MIPOL1: variants seen among roughly 807,000 people sequenced by gnomAD.
MIPOL1 encodes mirror-image polydactyly 1.
Under a neutral mutation model 60.9 loss-of-function variants are expected in MIPOL1, and 57 were observed. The ratio of observed to expected loss-of-function variants is 0.94; its 90% CI spans 0.76 to 1.17. The LOEUF is 1.17. MIPOL1 is among the 50% of genes most tolerant of loss of function. MIPOL1 has a pLI of 0.00. For synonymous variants in MIPOL1, 179 were observed against 168.8 expected (o/e 1.06, Z -0.47); for missense variants, 551 against 511.6 (o/e 1.08, Z -0.74).
chr14:37,321,282 ATG>A (rs1392327582), intron 9 of MIPOL1, among the ~76,000 whole-genome samples: 2 of 151,900 alleles, frequency 1.3e-5, no homozygotes, highest in Non-Finnish European at 2.9e-5. Flanking sequence ...ATTATTATAT[ATG>A]TGTCTCATTA....
chr14:37,545,867 G>T, intron 12 of MIPOL1: 1 of 383,346 alleles, frequency 2.6e-6, no homozygotes, highest in Non-Finnish European at 4.7e-6. Context: ...CCATATAAAT[G>T]AGGCAAACTG....
At chr14:37,424,138 G>GAGC (rs773142683) in intron 11 of MIPOL1, among the ~76,000 whole-genome samples, 5 of 152,122 alleles carry the variant, frequency 3.3e-5, no homozygotes, top group Non-Finnish European at 7.4e-5. Flanking sequence ...TCCTGCTTTG[G>GAGC]AGCAATATTA....
chr14:37,206,307 G>A (rs1026987203), intron 1 of MIPOL1, among the ~76,000 whole-genome samples: 1 of 152,198 alleles, frequency 6.6e-6, no homozygotes, highest in South Asian at 2.1e-4. Flanking sequence ...TTCAGAGTGC[G>A]CAGGCCCGAA....
chr14:37,216,170 A>C (rs1221923400), intron 1 of MIPOL1, among the ~76,000 whole-genome samples: 1 of 152,210 alleles, frequency 6.6e-6, no homozygotes, highest in Non-Finnish European at 1.5e-5. Context: ...TTTCAAGACA[A>C]AAACTATGAA....
chr14:37,545,364 A>G (rs796614453), intron 12 of MIPOL1, among the ~76,000 whole-genome samples: 12 of 152,312 alleles, frequency 7.9e-5, no homozygotes, highest in African/African-American at 2.9e-4. Flanking sequence ...GCTATGAGTC[A>G]TAATATTCAG....
chr14:37,260,452 A>G (rs747001257), intron 3 of MIPOL1, among the ~76,000 whole-genome samples: 3 of 152,134 alleles, frequency 2.0e-5, no homozygotes, highest in East Asian at 1.9e-4. Context: ...ACTATTCTCT[A>G]TTCTTCTATA....
At chr14:37,319,887 AAAGG>A (rs2088369784) in intron 9 of MIPOL1, among the ~76,000 whole-genome samples, 1 of 152,082 alleles carries the variant, frequency 6.6e-6, no homozygotes, top group Non-Finnish European at 1.5e-5. Flanking sequence ...ACTTCATATA[AAAGG>A]AGTCATATGT....
intron 11 of MIPOL1, among the ~76,000 whole-genome samples, chr14:37,479,674 G>A (rs1159299360): frequency 1.3e-5 from 2 of 151,634 alleles, no homozygotes; most frequent in African/African-American, 2.4e-5. Flanking sequence ...GCAGAAGGAA[G>A]GAAATAATAA....
At chr14:37,479,318 T>G (rs1322149965) in intron 11 of MIPOL1, among the ~76,000 whole-genome samples, 2 of 152,064 alleles carry the variant, frequency 1.3e-5, no homozygotes, top group African/African-American at 4.8e-5. Flanking sequence ...CCTTAGCAAA[T>G]TTAAGAATAT....
chr14:37,277,591 C>T (rs1320298044), intron 6 of MIPOL1: 1 of 150,938 alleles, frequency 6.6e-6, no homozygotes, highest in African/African-American at 2.4e-5. Flanking sequence ...GCTTTTGATT[C>T]ATTGTCTTGC....
chr14:37,299,870 C>G (rs1049817930), intron 7 of MIPOL1, among the ~76,000 whole-genome samples: 4 of 152,010 alleles, frequency 2.6e-5, no homozygotes, highest in Non-Finnish European at 5.9e-5. Flanking sequence ...GTCTCCCTAG[C>G]CTGTCCTGGG....
intron 1 of MIPOL1, among the ~76,000 whole-genome samples, chr14:37,231,654 A>G (rs1474389841): frequency 6.6e-6 from 1 of 152,150 alleles, no homozygotes. Context: ...TAATTATATT[A>G]AAGTAAGCTA....
chr14:37,466,533 G>A (rs1439080065), intron 11 of MIPOL1, among the ~76,000 whole-genome samples: 1 of 152,124 alleles, frequency 6.6e-6, no homozygotes, highest in Non-Finnish European at 1.5e-5. Context: ...GGACAGGGGG[G>A]CAGTTTAGTG....
At chr14:37,351,042 A>G (rs1323200620) in intron 9 of MIPOL1, among the ~76,000 whole-genome samples, 1 of 67,410 alleles carries the variant, frequency 1.5e-5, no homozygotes, top group African/African-American at 6.3e-5. Flanking sequence ...ATATCTCCCA[A>G]TGCTATCCCT....
intron 7 of MIPOL1, among the ~76,000 whole-genome samples, chr14:37,306,639 A>T (rs1316872554): frequency 1.3e-5 from 2 of 151,814 alleles, no homozygotes; most frequent in Non-Finnish European, 3.0e-5. Context: ...TAGCCAACCA[A>T]TTACTGCTGG....
At chr14:37,357,294 T>G (rs1221765274) in intron 9 of MIPOL1, among the ~76,000 whole-genome samples, 2 of 152,214 alleles carry the variant, frequency 1.3e-5, no homozygotes, top group Non-Finnish European at 2.9e-5. Context: ...TCCTATGCTG[T>G]GCAGATTTTT....
intron 10 of MIPOL1, among the ~76,000 whole-genome samples, chr14:37,395,547 GATT>G (rs2093355864): frequency 2.0e-5 from 3 of 152,036 alleles, no homozygotes; most frequent in Admixed American, 2.0e-4. Context: ...TCATTGATTT[GATT>G]CTCTGCTTGG....
chr14:37,330,827 G>A (rs1236462479), intron 9 of MIPOL1, among the ~76,000 whole-genome samples: 1 of 151,844 alleles, frequency 6.6e-6, no homozygotes, highest in Non-Finnish European at 1.5e-5. Flanking sequence ...GATGCCAGGA[G>A]GAGAGATCAG....
At chr14:37,495,764 C>T (rs1465351769) in intron 11 of MIPOL1, among the ~76,000 whole-genome samples, 3 of 151,102 alleles carry the variant, frequency 2.0e-5, no homozygotes, top group African/African-American at 7.3e-5. Flanking sequence ...AAAAGTGTTC[C>T]TATTTCTCCA....
Sources: gnomAD v4.1 joint callset for allele counts (sites outside exome capture counted in the v4.1 genomes callset) on GRCh38, gnomAD v4.1.1 for gene constraint, MANE v1.5 for transcripts, NCBI Gene and HGNC (gene_info 2026-07-23, HGNC 2026-07-21) for gene names.